Variants in C1QTNF3 observed in about 807,000 individuals in gnomAD.
The protein encoded by C1QTNF3 is complement C1q tumor necrosis factor-related protein 3.
C1QTNF3 carries 26 observed loss-of-function variants against 32.6 expected under a neutral mutation model. The observed-to-expected ratio is 0.80, with a 90% CI of 0.58 to 1.11. The LOEUF is 1.11. C1QTNF3 is among the 50% of genes least tolerant of loss of function. The probability of loss-of-function intolerance (pLI) is 0.00; values close to 1 mark genes in which losing one functional copy is unlikely to be tolerated. For synonymous variants in C1QTNF3, 155 were observed against 146.0 expected (o/e 1.06, Z -0.44); for missense variants, 362 against 398.2 (o/e 0.91, Z 0.77).
At chr5:34,219,636 T>C in the C1QTNF3 span, among the ~76,000 whole-genome samples, 4 of 152,130 alleles carry the variant, frequency 2.6e-5, no homozygotes, top group Non-Finnish European at 4.4e-5. Context: ...AACTGTTTTT[T>C]ACATCCAAAG....
the C1QTNF3 span, among the ~76,000 whole-genome samples, chr5:34,134,821 G>T: frequency 1.3e-5 from 2 of 152,130 alleles, no homozygotes; most frequent in African/African-American, 4.8e-5. Flanking sequence ...GGAGATTTTG[G>T]GTGGAGACGA....
chr5:34,077,204 T>C, the C1QTNF3 span, among the ~76,000 whole-genome samples: 1 of 151,798 alleles, frequency 6.6e-6, no homozygotes, highest in Admixed American at 6.6e-5. Context: ...TGTTTTGCAA[T>C]GATTAATTTA....
rs840388 is a variant in C1QTNF3, at chr5:34,018,785, T to A, written c.*1798A>T. On this transcript the variant is annotated 3_prime_UTR_variant, in exon 6 of 6. Transcript: ENST00000382065. ...ACAGTTCTACACCATATTACATCCC[T>A]GAAGCAAGCAGAAACTCAAGTGCTT... 2.0e-5 allele frequency among the ~76,000 whole-genome samples: 3 copies of A among 151,922 alleles called. No individual in the cohort carries two copies. The highest frequency in any genetic ancestry group is 2.1e-4 in the South Asian group (1 of 4,830).
intron 4 of C1QTNF3, among the ~76,000 whole-genome samples, chr5:34,025,824 A>G (rs1754445570): frequency 1.3e-5 from 2 of 152,256 alleles, no homozygotes; most frequent in Non-Finnish European, 2.9e-5. Flanking sequence ...TGGCATAGAT[A>G]GCATTTAACA....
chr5:34,091,011 C>A, the C1QTNF3 span, among the ~76,000 whole-genome samples: 1 of 152,176 alleles, frequency 6.6e-6, no homozygotes, highest in African/African-American at 2.4e-5. Flanking sequence ...TGTAAGAATA[C>A]CAGATCCTTG....
chr5:34,039,062 G>A (rs1754809180), intron 1 of C1QTNF3, among the ~76,000 whole-genome samples: 1 of 152,148 alleles, frequency 6.6e-6, no homozygotes, highest in Non-Finnish European at 1.5e-5. Flanking sequence ...GAGGCAAAAT[G>A]GCAGAGTTTA....
the C1QTNF3 span, among the ~76,000 whole-genome samples, chr5:34,139,171 T>C: frequency 6.6e-6 from 1 of 151,864 alleles, no homozygotes; most frequent in Non-Finnish European, 1.5e-5. Flanking sequence ...TGAATGTAAA[T>C]ATGTGTGTAT....
chr5:34,111,383 C>T, the C1QTNF3 span, among the ~76,000 whole-genome samples: 43 of 152,130 alleles, frequency 2.8e-4, no homozygotes, highest in Non-Finnish European at 5.4e-4. Context: ...AATAAGCTAG[C>T]TAAATGCAGC....
At chr5:34,169,809 A>G in the C1QTNF3 span, among the ~76,000 whole-genome samples, 1 of 152,180 alleles carries the variant, frequency 6.6e-6, no homozygotes, top group Non-Finnish European at 1.5e-5. Flanking sequence ...GGGAACTTGG[A>G]ATCCCTGTAC....
chr5:34,116,201 A>C, the C1QTNF3 span, among the ~76,000 whole-genome samples: 2 of 152,122 alleles, frequency 1.3e-5, no homozygotes, highest in Non-Finnish European at 2.9e-5. Flanking sequence ...AAGATTTTTA[A>C]AATTTCATTG....
chr5:34,215,954 A>T, the C1QTNF3 span, among the ~76,000 whole-genome samples: 1 of 152,136 alleles, frequency 6.6e-6, no homozygotes, highest in South Asian at 2.1e-4. Flanking sequence ...TTTAAACTTG[A>T]ACATGCTTTT....
At chr5:34,028,637 C>G in intron 4 of C1QTNF3, 117 bp downstream of exon 4, 4 of 845,650 alleles carry the variant, frequency 4.7e-6, no homozygotes, top group Non-Finnish European at 5.1e-6. Context: ...CTACTCCCTT[C>G]CTCCTTCTTT....
chr5:34,226,005 C>T, the C1QTNF3 span, among the ~76,000 whole-genome samples: 1 of 151,786 alleles, frequency 6.6e-6, no homozygotes, highest in Non-Finnish European at 1.5e-5. Context: ...TTATTGCTGG[C>T]TTTTAAAATA....
chr5:34,103,670 A>G, the C1QTNF3 span, among the ~76,000 whole-genome samples: 1 of 129,354 alleles, frequency 7.7e-6, no homozygotes, highest in East Asian at 2.1e-4. Flanking sequence ...ATACAAAACT[A>G]AACTAGCCGG....
At chr5:34,043,928 G>A (rs747104295), upstream of C1QTNF3, 2 of 152,122 alleles carry the variant, frequency 1.3e-5, no homozygotes, top group Non-Finnish European at 2.9e-5. Context: ...TCTTTCTTTT[G>A]ACATATTCTT....
the C1QTNF3 span, among the ~76,000 whole-genome samples, chr5:34,064,700 A>G: frequency 5.3e-5 from 8 of 152,186 alleles, no homozygotes; most frequent in Non-Finnish European, 1.0e-4. Context: ...GATGGCAAGC[A>G]AAAGCTCAGC....
At chr5:34,187,376 G>A in the C1QTNF3 span, among the ~76,000 whole-genome samples, 1 of 152,312 alleles carries the variant, frequency 6.6e-6, no homozygotes, top group African/African-American at 2.4e-5. Flanking sequence ...AGCAACTTTG[G>A]AAATGGGTAA....
At chr5:34,027,558 T>C (rs567914090) in intron 4 of C1QTNF3, among the ~76,000 whole-genome samples, 11 of 151,850 alleles carry the variant, frequency 7.2e-5, no homozygotes, top group Non-Finnish European at 1.5e-4. Context: ...ATTAGCCAGG[T>C]GTGGTGGCCT....
chr5:34,163,983 A>G, the C1QTNF3 span, among the ~76,000 whole-genome samples: 17 of 152,366 alleles, frequency 1.1e-4, 1 homozygote, highest in Admixed American at 5.2e-4. Flanking sequence ...GAACAAAGAT[A>G]TAAAATAATA....
Sources: allele counts gnomAD v4.1 joint callset (sites outside exome capture counted in the v4.1 genomes callset), GRCh38; gene constraint gnomAD v4.1.1; transcripts MANE v1.5; gene names NCBI Gene and HGNC (gene_info 2026-07-23, HGNC 2026-07-21).